ANO2: variants seen among roughly 807,000 people sequenced by gnomAD.
ANO2 encodes the protein anoctamin-2.
ANO2 carries 101 observed loss-of-function variants against 124.2 expected under a neutral mutation model. The ratio of observed to expected loss-of-function variants is 0.81; its 90% CI spans 0.69 to 0.96. The LOEUF (loss-of-function observed/expected upper bound fraction) is 0.96, where lower values mean the gene tolerates loss of function less well. ANO2 is among the 40% of genes least tolerant of loss of function. ANO2 has a pLI of 0.00. For missense variants in ANO2, 1,293 were observed against 1,274.5 expected (o/e 1.01, Z -0.22); for synonymous variants, 486 against 482.5 (o/e 1.01, Z -0.09).
intron 3 of ANO2, among the ~76,000 whole-genome samples, chr12:5,880,799 G>A (rs1938433752): frequency 7.3e-6 from 1 of 137,702 alleles, no homozygotes; most frequent in East Asian, 2.3e-4. Context: ...TGGATAGGTG[G>A]ATGGATGAAT....
intron 3 of ANO2, among the ~76,000 whole-genome samples, chr12:5,884,944 T>C (rs1349309078): frequency 6.6e-6 from 1 of 152,186 alleles, no homozygotes; most frequent in Non-Finnish European, 1.5e-5. Flanking sequence ...GAAATCTGGT[T>C]CTGATTTGCT....
chr12:5,641,018 T>C (rs984251345), intron 15 of ANO2, among the ~76,000 whole-genome samples: 24 of 152,312 alleles, frequency 1.6e-4, no homozygotes, highest in Admixed American at 1.1e-3. Context: ...ATGTGGCACA[T>C]ATACACCATG....
At chr12:5,802,801 G>A (rs2137167699) in intron 9 of ANO2, among the ~76,000 whole-genome samples, 1 of 152,358 alleles carries the variant, frequency 6.6e-6, no homozygotes, top group African/African-American at 2.4e-5. Flanking sequence ...AAACCAGGGA[G>A]AGACTACTGC....
chr12:5,567,980 T>G (rs912802957), intron 23 of ANO2, among the ~76,000 whole-genome samples: 3 of 152,182 alleles, frequency 2.0e-5, no homozygotes. Context: ...GCTAACTTTA[T>G]AAAAACTATG....
chr12:5,786,146 C>T (rs895637778), intron 10 of ANO2, among the ~76,000 whole-genome samples: 24 of 152,156 alleles, frequency 1.6e-4, no homozygotes, highest in African/African-American at 5.6e-4. Context: ...TCTTTGATTC[C>T]AATCCCTGGT....
chr12:5,610,190 A>T (rs1265016669), intron 19 of ANO2, among the ~76,000 whole-genome samples: 1 of 72,974 alleles, frequency 1.4e-5, no homozygotes, highest in African/African-American at 7.1e-5. Flanking sequence ...TACTTATATA[A>T]ATATATACTT....
rs1441632872 is a variant in ANO2, at chr12:5,922,521, CAT to C, written c.207+97_207+98del. 2.3e-6 allele frequency: 3 copies of C among 1,322,780 alleles called. No individual in the cohort carries two copies. In the African/African-American group the frequency reaches 4.5e-5, roughly 20 times the overall value. The allele number at this position is 1,322,780 out of a possible 1,614,324, so 81.9% of individuals were successfully genotyped here. A position where few individuals can be genotyped will look rare whatever the true frequency, so the allele number is the denominator to read the frequency against. On this transcript the variant is annotated intron_variant, in intron 2 of 24. Transcript: ENST00000682330. ...CCTAGGTCTCTCTCTTTCACGCACA[CAT>C]GTGCTCCCAACTGGAGGATCCCCCA...
chr12:5,593,111 A>G (rs1255977412), intron 20 of ANO2, among the ~76,000 whole-genome samples: 2 of 152,218 alleles, frequency 1.3e-5, no homozygotes, highest in Admixed American at 6.5e-5. Flanking sequence ...TCATGGATGC[A>G]CTTCCCTTTC....
intron 14 of ANO2, among the ~76,000 whole-genome samples, chr12:5,706,981 A>G (rs1415302335): frequency 2.0e-5 from 3 of 152,190 alleles, no homozygotes; most frequent in Non-Finnish European, 2.9e-5. Flanking sequence ...TGACCTTGGG[A>G]CAATGACATC....
chr12:5,880,999 T>C (rs1014091363), intron 3 of ANO2, among the ~76,000 whole-genome samples: 15 of 152,098 alleles, frequency 9.9e-5, no homozygotes, highest in Non-Finnish European at 1.3e-4. Flanking sequence ...GAATCTACTA[T>C]CCTCATGATG....
intron 4 of ANO2, among the ~76,000 whole-genome samples, chr12:5,852,353 C>T (rs1954937921): frequency 6.6e-6 from 1 of 152,192 alleles, no homozygotes; most frequent in South Asian, 2.1e-4. Flanking sequence ...AACTAAGACA[C>T]TTCAGGCATG....
At chr12:5,868,442 G>A (rs1955489386) in intron 3 of ANO2, among the ~76,000 whole-genome samples, 2 of 152,080 alleles carry the variant, frequency 1.3e-5, no homozygotes, top group African/African-American at 4.8e-5. Context: ...TAAGAATCTG[G>A]AAGCAATAGT....
chr12:5,946,228 C>A, upstream of ANO2: 1 of 1,577,964 alleles, frequency 6.3e-7, no homozygotes, highest in Non-Finnish European at 8.7e-7. This position sits in a 1 kb window ranked among gnomAD's most constrained non-coding sequence, Gnocchi z 4.1. Context: ...AGAGAAGGAG[C>A]CTGGGGAAGC....
intron 4 of ANO2, among the ~76,000 whole-genome samples, chr12:5,844,401 T>C (rs1480445787): frequency 2.6e-5 from 4 of 152,164 alleles, no homozygotes; most frequent in Admixed American, 6.5e-5. Context: ...GAGCAAAGCT[T>C]GAAGAGGTGA....
Position 5,678,036 on chromosome 12 carries a change from T to C in ANO2, c.1546-30235A>G, listed in dbSNP as rs149634859. Among the ~76,000 whole-genome samples, 262 of 152,178 alleles carry C rather than the reference T, an allele frequency of 1.7e-3. 1 individual carries two copies. Among genetic ancestry groups the C allele is most frequent in the African/African-American group, 5.9e-3 (247 of 41,544 alleles). On this transcript the variant is annotated intron_variant, in intron 14 of 24. Coordinates refer to ENST00000682330, the MANE Select transcript of ANO2 (RefSeq NM_001364791.2). The stretch of plus-strand genomic sequence containing the variant: ...AAATGTACCCAGGGAAGAGTGAGAA[T>C]GAGGGCACCCAGCTTCCCACCCTTA...
chr12:5,665,700 G>A (rs868827789), intron 14 of ANO2, among the ~76,000 whole-genome samples: 1 of 150,598 alleles, frequency 6.6e-6, no homozygotes. Context: ...GTCCCACTCT[G>A]GTCCCACCAC....
At chr12:5,793,268 G>C (rs576373002) in intron 10 of ANO2, among the ~76,000 whole-genome samples, 2 of 152,184 alleles carry the variant, frequency 1.3e-5, no homozygotes, top group South Asian at 4.1e-4. Context: ...AACTGTCCCA[G>C]AGATAAGGTG....
intron 3 of ANO2, among the ~76,000 whole-genome samples, chr12:5,854,573 G>A (rs977386852): frequency 4.6e-5 from 7 of 152,052 alleles, no homozygotes; most frequent in Admixed American, 1.3e-4. Flanking sequence ...TGTTTTCATT[G>A]TTTATTGTTC....
chr12:5,583,809 GA>G, intron 20 of ANO2: 1 of 175,984 alleles, frequency 5.7e-6, no homozygotes. Flanking sequence ...ATCAGAGGTG[GA>G]GGAGACACTG....
Sources: gnomAD v4.1 joint callset for allele counts (sites outside exome capture counted in the v4.1 genomes callset) on GRCh38, gnomAD v4.1.1 for gene constraint, Gnocchi (gnomAD v3.1) non-coding constraint, MANE v1.5 for transcripts, NCBI Gene and HGNC (gene_info 2026-07-23, HGNC 2026-07-21) for gene names.